HS2ST1: variants seen among roughly 807,000 people sequenced by gnomAD.
The protein encoded by HS2ST1 is 2-O-sulfotransferase.
HS2ST1 carries 18 observed loss-of-function variants against 42.9 expected under a neutral mutation model. The ratio of observed to expected loss-of-function variants is 0.42; its 90% CI spans 0.29 to 0.62. HS2ST1 has a LOEUF of 0.62. Among genes scored for constraint, HS2ST1 ranks in the 20% least tolerant of loss-of-function variants. The probability of loss-of-function intolerance (pLI) is 0.21; values close to 1 mark genes in which losing one functional copy is unlikely to be tolerated. For missense variants in HS2ST1, 334 were observed against 433.8 expected (o/e 0.77, Z 2.04); for synonymous variants, 146 against 152.9 (o/e 0.95, Z 0.33).
Position 87,104,623 on chromosome 1 carries a change from G to A in HS2ST1, c.998G>A (p.Arg333Gln), listed in dbSNP as rs145331906. 1,404 of 1,613,680 alleles carry A rather than the reference G, an allele frequency of 8.7e-4. 2 individuals carry two copies. Among genetic ancestry groups the A allele is most frequent in the Non-Finnish European group, 1.1e-3 (1,299 of 1,179,632 alleles). ...QFQFIRAHAV[R>Q]EKDGDLYILA... ...CAATTCATCAGAGCCCATGCCGTTC[G>A]AGAAAAAGATGGAGACCTCTACATC... Residue 333 changes from arginine (R) to glutamine (Q), a missense_variant, in exon 7 of 7, where the codon CGA (arginine) becomes CAA (glutamine). Arg to Gln is a conservative substitution (Grantham distance 43, BLOSUM62 1). Transcript: ENST00000370550.
intron 1 of HS2ST1, among the ~76,000 whole-genome samples, chr1:87,056,343 C>T (rs1650969153): frequency 6.6e-6 from 1 of 152,160 alleles, no homozygotes; most frequent in Admixed American, 6.5e-5. Context: ...CTTGAACTTG[C>T]CAGCCTAAAG....
rs1209918519 is a variant in HS2ST1, at chr1:87,070,115, T to G, written c.125-2819T>G. Among the ~76,000 whole-genome samples, 3 of 152,220 alleles carry G rather than the reference T, an allele frequency of 2.0e-5. No homozygotes were observed. In the South Asian group the frequency reaches 6.2e-4, roughly 32 times the overall value. ...TACTTGTGTGAGTGGGTGAATCTTT[T>G]AAAGGCAATTTCACATATGTCTGTG... On this transcript the variant is annotated intron_variant, in intron 1 of 6. Transcript: ENST00000370550.
intron 1 of HS2ST1, among the ~76,000 whole-genome samples, chr1:86,924,145 G>A (rs1660362133): frequency 6.6e-6 from 1 of 152,206 alleles, no homozygotes; most frequent in South Asian, 2.1e-4. Context: ...AAATCCAGCG[G>A]GGCAGTGAAA....
In HS2ST1 at chr1:86,990,406, AC is replaced by A. The variant is rs1196221470; in HGVS notation, c.124+75247del. Among the ~76,000 whole-genome samples, 19 of 152,264 alleles carry A rather than the reference AC, an allele frequency of 1.2e-4. No homozygotes were observed. The East Asian group carries it at 3.7e-3, about 29-fold the overall frequency. ...TTCAGAAATTAAGCATCACATTTTT[AC>A]GTTGAATCTTGGTTTTGCCTCTCAG... On this transcript the variant is annotated intron_variant, in intron 1 of 6. Transcript: ENST00000370550.
At chr1:86,928,189 G>T (rs1192170564) in intron 1 of HS2ST1, among the ~76,000 whole-genome samples, 3 of 151,970 alleles carry the variant, frequency 2.0e-5, no homozygotes, top group South Asian at 2.1e-4. Context: ...AGGGCTATCT[G>T]CGTCTTTCAG....
At chr1:87,039,003 G>GA (rs1261648782) in intron 1 of HS2ST1, among the ~76,000 whole-genome samples, 1 of 151,968 alleles carries the variant, frequency 6.6e-6, no homozygotes, top group South Asian at 2.1e-4. Context: ...CATGTATATG[G>GA]AAAAAATAAA....
intron 1 of HS2ST1, among the ~76,000 whole-genome samples, chr1:87,011,444 A>G (rs924725922): frequency 2.0e-5 from 3 of 151,374 alleles, no homozygotes; most frequent in African/African-American, 7.3e-5. Flanking sequence ...GGGTCTCACT[A>G]TGTTTTCCAA....
intron 5 of HS2ST1, among the ~76,000 whole-genome samples, chr1:87,102,915 T>TA (rs1271310146): frequency 2.0e-5 from 3 of 152,332 alleles, no homozygotes; most frequent in African/African-American, 7.2e-5. Context: ...TCTCTGTTAA[T>TA]AGCATTAGCT....
chr1:86,968,453 A>G (rs1314514639), intron 1 of HS2ST1, among the ~76,000 whole-genome samples: 2 of 150,700 alleles, frequency 1.3e-5, no homozygotes, highest in Non-Finnish European at 2.9e-5. Context: ...GCGAGGTCTC[A>G]CTCTGTTACC....
chr1:86,919,545 C>G (rs1660247462), intron 1 of HS2ST1, among the ~76,000 whole-genome samples: 2 of 152,124 alleles, frequency 1.3e-5, no homozygotes, highest in African/African-American at 4.8e-5. Flanking sequence ...CTTTTAATCA[C>G]ATACTAAGTT....
At chr1:87,010,236 A>T (rs539244478) in intron 1 of HS2ST1, among the ~76,000 whole-genome samples, 1 of 152,184 alleles carries the variant, frequency 6.6e-6, no homozygotes, top group South Asian at 2.1e-4. Flanking sequence ...GTTAATATTT[A>T]TATCTCCCAA....
In HS2ST1 at chr1:87,017,707, T is replaced by C. The variant is rs1649801361; in HGVS notation, c.125-55227T>C. Among the ~76,000 whole-genome samples the C allele has an allele frequency of 1.3e-5, 2 of 152,194 alleles. 1 individual carries two copies. The highest frequency in any genetic ancestry group is 4.1e-4 in the South Asian group (2 of 4,832). Reference sequence around the variant, plus strand: ...TTTGATTTTTGATATATGTGTCCTTTCTTCTGGTTTAGGCCTATGTTTGCT... The same window carrying C: ...TTTGATTTTTGATATATGTGTCCTTCCTTCTGGTTTAGGCCTATGTTTGCT... On this transcript the variant is annotated intron_variant, in intron 1 of 6. Transcript: ENST00000370550.
In HS2ST1 at chr1:87,105,169, A is replaced by C. The variant is rs767887729; in HGVS notation, c.*473A>C. ...AGTGTGTACTTTGTTTTTGTGAGTC[A>C]TGTCTCATGAAATTTATTGGAATGT... On this transcript the variant is annotated 3_prime_UTR_variant, in exon 7 of 7. Transcript: ENST00000370550. 1 of 152,858 alleles carries C rather than the reference A, an allele frequency of 6.5e-6. No homozygotes were observed. Among genetic ancestry groups the C allele is most frequent in the Non-Finnish European group, 1.5e-5 (1 of 68,202 alleles). The allele number at this position is 152,858 out of a possible 1,614,324, so 9.5% of individuals were successfully genotyped here. A position where few individuals can be genotyped will look rare whatever the true frequency, so the allele number is the denominator to read the frequency against.
At chr1:87,074,258 A>T (rs1651485368) in intron 2 of HS2ST1, among the ~76,000 whole-genome samples, 1 of 152,206 alleles carries the variant, frequency 6.6e-6, no homozygotes, top group Non-Finnish European at 1.5e-5. Flanking sequence ...ATGAGAAGAA[A>T]CATGAGTTGT....
At chr1:87,077,028 A>T (rs927451733) in intron 2 of HS2ST1, among the ~76,000 whole-genome samples, 1 of 152,210 alleles carries the variant, frequency 6.6e-6, no homozygotes, top group Admixed American at 6.5e-5. Context: ...GTGTATGCTA[A>T]TCACTGGTTA....
intron 1 of HS2ST1, among the ~76,000 whole-genome samples, chr1:86,973,033 T>A (rs1648281894): frequency 6.6e-6 from 1 of 152,214 alleles, no homozygotes; most frequent in African/African-American, 2.4e-5. Flanking sequence ...ACGATGTATG[T>A]CTTCTTTACT....
chr1:87,012,426 A>C (rs935139942), intron 1 of HS2ST1, among the ~76,000 whole-genome samples: 7 of 152,204 alleles, frequency 4.6e-5, no homozygotes. Flanking sequence ...TATCATGAAT[A>C]AAACAATCAG....
intron 1 of HS2ST1, chr1:87,044,847 T>G: frequency 1.2e-6 from 1 of 851,576 alleles, no homozygotes; most frequent in Admixed American, 2.8e-5. Flanking sequence ...TTTTTCCCCT[T>G]TGGAACAAAG....
intron 1 of HS2ST1, among the ~76,000 whole-genome samples, chr1:86,969,080 CTAAATA>C (rs774084105): frequency 3.3e-5 from 5 of 152,150 alleles, no homozygotes; most frequent in African/African-American, 1.2e-4. Context: ...AAAGTATGTA[CTAAATA>C]TAAAGTGTTA....
Sources: gnomAD v4.1 joint callset for allele counts (sites outside exome capture counted in the v4.1 genomes callset) on GRCh38, gnomAD v4.1.1 for gene constraint, MANE v1.5 for transcripts, NCBI Gene and HGNC (gene_info 2026-07-23, HGNC 2026-07-21) for gene names.